Variants in ADCK1 observed in about 807,000 individuals in gnomAD.
ADCK1 encodes aarF domain-containing protein kinase 1.
Under a neutral mutation model 52.3 loss-of-function variants are expected in ADCK1, and 41 were observed. The ratio of observed to expected loss-of-function variants is 0.78; its 90% CI spans 0.61 to 1.02. The LOEUF is 1.02. Among genes scored for constraint, ADCK1 ranks in the 50% least tolerant of loss-of-function variants. The pLI is 0.00. For synonymous variants in ADCK1, 250 were observed against 274.6 expected, an observed-to-expected ratio of 0.91 and a Z score of 0.89; for missense variants, 658 against 679.5, an observed-to-expected ratio of 0.97 and a Z score of 0.35.
chr14:77,872,259 A>G (rs1297448292), intron 4 of ADCK1, among the ~76,000 whole-genome samples: 1 of 152,194 alleles, frequency 6.6e-6, no homozygotes, highest in Non-Finnish European at 1.5e-5. Context: ...TCAGGGTCAC[A>G]CAGCAGGATG....
chr14:77,874,511 A>G (rs2140174191), intron 4 of ADCK1, among the ~76,000 whole-genome samples: 1 of 152,236 alleles, frequency 6.6e-6, no homozygotes, highest in East Asian at 1.9e-4. Flanking sequence ...GTGGGGTCTG[A>G]ACCTTGAGGC....
At chr14:77,874,638 G>C (rs991251697) in intron 4 of ADCK1, among the ~76,000 whole-genome samples, 2 of 152,072 alleles carry the variant, frequency 1.3e-5, no homozygotes, top group African/African-American at 4.8e-5. Context: ...CCCTCTCCCT[G>C]CTGGGGCTTC....
chr14:77,878,786 A>C (rs1483510405), intron 4 of ADCK1, among the ~76,000 whole-genome samples: 2 of 152,348 alleles, frequency 1.3e-5, no homozygotes, highest in East Asian at 1.9e-4. Context: ...AGATGTTATT[A>C]AGATGGGGAA....
intron 4 of ADCK1, among the ~76,000 whole-genome samples, chr14:77,859,744 A>G (rs1011022213): frequency 6.6e-6 from 1 of 152,208 alleles, no homozygotes; most frequent in Non-Finnish European, 1.5e-5. Context: ...TTCCTTATCT[A>G]TAGCCCACCA....
At chr14:77,875,746 A>G (rs963261110) in intron 4 of ADCK1, among the ~76,000 whole-genome samples, 3 of 152,168 alleles carry the variant, frequency 2.0e-5, no homozygotes, top group Non-Finnish European at 2.9e-5. Flanking sequence ...TGTCGCTTCA[A>G]CTGAGCAGGG....
chr14:77,870,343 G>A (rs1316611647), intron 4 of ADCK1, among the ~76,000 whole-genome samples: 7 of 152,226 alleles, frequency 4.6e-5, no homozygotes, highest in East Asian at 3.9e-4. Context: ...TCTGGGGGAC[G>A]TTAAAGAGAG....
intron 6 of ADCK1, among the ~76,000 whole-genome samples, chr14:77,903,070 G>T (rs1206421251): frequency 2.0e-5 from 3 of 152,236 alleles, no homozygotes; most frequent in East Asian, 3.8e-4. Flanking sequence ...CCTGGCTGGG[G>T]CCAACTGGCA....
In ADCK1 at chr14:77,820,511, T is replaced by C. The variant is rs570426140; in HGVS notation, c.135+1398T>C. Among the ~76,000 whole-genome samples the C allele has an allele frequency of 3.7e-3, 558 of 151,712 alleles. 3 individuals carry two copies. Among genetic ancestry groups the C allele is most frequent in the African/African-American group, 0.013 (532 of 41,336 alleles). On this transcript the variant is annotated intron_variant, in intron 2 of 10. Transcript: ENST00000238561. ...ACACCTGGCCAATTTCTCTATTTTT[T>C]TGTAGAGATAGGGTTTCGCTATGTT... is the stretch of plus-strand genomic sequence containing the variant.
At chr14:77,836,135 C>T (rs2081954446) in intron 3 of ADCK1, among the ~76,000 whole-genome samples, 1 of 152,206 alleles carries the variant, frequency 6.6e-6, no homozygotes, top group Non-Finnish European at 1.5e-5. Flanking sequence ...CCCTCTCTCC[C>T]TCTCTGTCTC....
At chr14:77,902,056 C>A (rs2083560133) in intron 6 of ADCK1, among the ~76,000 whole-genome samples, 1 of 152,176 alleles carries the variant, frequency 6.6e-6, no homozygotes, top group Non-Finnish European at 1.5e-5. Flanking sequence ...AAAAGGGACT[C>A]TCTCATTCTT....
chr14:77,913,699 C>A (rs781215359), intron 7 of ADCK1, among the ~76,000 whole-genome samples: 5 of 152,058 alleles, frequency 3.3e-5, no homozygotes, highest in Non-Finnish European at 5.9e-5. Flanking sequence ...GTGAAATTAG[C>A]CAAGAAAGAG....
intron 3 of ADCK1, among the ~76,000 whole-genome samples, chr14:77,826,398 C>T (rs1304811759): frequency 6.6e-6 from 1 of 152,162 alleles, no homozygotes; most frequent in Non-Finnish European, 1.5e-5. Flanking sequence ...TGACTTCGAG[C>T]ACTTTCAAGG....
intron 3 of ADCK1, among the ~76,000 whole-genome samples, chr14:77,827,503 C>A (rs900060209): frequency 6.6e-6 from 1 of 151,186 alleles, no homozygotes; most frequent in African/African-American, 2.4e-5. Context: ...CTGTTTCTTG[C>A]AGCCGAATGA....
chr14:77,863,591 C>A (rs1446749920), intron 4 of ADCK1, among the ~76,000 whole-genome samples: 2 of 152,120 alleles, frequency 1.3e-5, no homozygotes, highest in Non-Finnish European at 2.9e-5. Flanking sequence ...AATCCCAGCA[C>A]TTTGGGAGGC....
intron 7 of ADCK1, among the ~76,000 whole-genome samples, chr14:77,919,510 T>G (rs1251844722): frequency 6.6e-6 from 1 of 152,252 alleles, no homozygotes; most frequent in Non-Finnish European, 1.5e-5. Flanking sequence ...TTAGGCTGGT[T>G]CCATATTTTT....
intron 5 of ADCK1, among the ~76,000 whole-genome samples, chr14:77,893,946 C>T (rs142634659): frequency 4.8e-4 from 73 of 152,186 alleles, no homozygotes; most frequent in African/African-American, 1.6e-3. Context: ...GTTGGCCAGG[C>T]TGGTCTTAAA....
At chr14:77,846,591 T>C (rs2082177599) in intron 3 of ADCK1, among the ~76,000 whole-genome samples, 1 of 152,202 alleles carries the variant, frequency 6.6e-6, no homozygotes, top group African/African-American at 2.4e-5. Flanking sequence ...GACTGGTTTT[T>C]GGGAAAAACC....
intron 3 of ADCK1, among the ~76,000 whole-genome samples, chr14:77,830,200 C>T (rs866736970): frequency 3.3e-5 from 5 of 150,710 alleles, no homozygotes; most frequent in Middle Eastern, 3.4e-3. Context: ...TGCAGTGGTG[C>T]GATCTCCGCT....
chr14:77,847,655 G>A (rs1594929310), intron 3 of ADCK1, among the ~76,000 whole-genome samples: 2 of 152,330 alleles, frequency 1.3e-5, no homozygotes, highest in East Asian at 3.9e-4. Context: ...GTTGAAGATT[G>A]TTTCCCTTTT....
Sources: allele counts gnomAD v4.1 joint callset (sites outside exome capture counted in the v4.1 genomes callset), GRCh38; gene constraint gnomAD v4.1.1; transcripts MANE v1.5; gene names NCBI Gene and HGNC (gene_info 2026-07-23, HGNC 2026-07-21).